NBPF15: variants seen among roughly 807,000 people sequenced by gnomAD.
The protein encoded by NBPF15 is NBPF family member NBPF15.
A neutral mutation model predicts 62.2 loss-of-function variants in NBPF15; 74 were observed. The observed-to-expected ratio is 1.19, with a 90% CI of 0.99 to 1.44. NBPF15 has a LOEUF of 1.44. NBPF15 is among the 40% of genes most tolerant of loss of function. The probability of loss-of-function intolerance (pLI) is 0.00; values close to 1 mark genes in which losing one functional copy is unlikely to be tolerated. For synonymous variants in NBPF15, 244 were observed against 209.7 expected (o/e 1.16, Z -1.41); for missense variants, 790 against 550.0 (o/e 1.44, Z -4.36).
At chr1:144,450,706 C>A (rs1690530507) in intron 5 of NBPF15, 66 bp downstream of exon 5, 1 of 292,740 alleles carries the variant, frequency 3.4e-6, no homozygotes, top group African/African-American at 2.3e-5. Flanking sequence ...TGTATGCTAA[C>A]CCTCTAAGAG....
rs1666691926 is a variant in NBPF15, at chr1:144,422,920, G to C, written c.*93C>G. 1.2e-6 allele frequency: 2 copies of C among 1,610,606 alleles called. No individual in the cohort carries two copies. The highest frequency in any genetic ancestry group is 1.3e-5 in the African/African-American group (1 of 74,712). Reference sequence around the variant, plus strand: ...TGCTCACTGACCCATCCTATGTCTGGGCTTCCAAATGGAACTGTACTTTCA... The same window carrying C: ...TGCTCACTGACCCATCCTATGTCTGCGCTTCCAAATGGAACTGTACTTTCA... On this transcript the variant is annotated 3_prime_UTR_variant, in exon 22 of 22. Transcript: ENST00000581897.
intron 20 of NBPF15, among the ~76,000 whole-genome samples, 181 bp from the exon 21 acceptor site, chr1:144,424,156 C>A (rs1244284646): frequency 2.6e-5 from 4 of 152,014 alleles, no homozygotes; most frequent in Non-Finnish European, 5.9e-5. Context: ...GTTTTTCTCC[C>A]AGAAACTGTG....
chr1:144,446,309 G>A (rs1353305750), intron 6 of NBPF15, among the ~76,000 whole-genome samples: 2 of 147,416 alleles, frequency 1.4e-5, no homozygotes, highest in Non-Finnish European at 2.9e-5. Flanking sequence ...TAAACTCACT[G>A]ATTAGTTCTG....
At chr1:144,431,687 C>T (rs1674457014) in intron 13 of NBPF15, among the ~76,000 whole-genome samples, 1 of 117,958 alleles carries the variant, frequency 8.5e-6, no homozygotes, top group Non-Finnish European at 1.7e-5. Context: ...GTTCCCCTTT[C>T]TGTGTCCATG....
intron 4 of NBPF15, among the ~76,000 whole-genome samples, chr1:144,455,799 A>G (rs1288827822): frequency 4.0e-5 from 6 of 151,792 alleles, no homozygotes; most frequent in African/African-American, 1.2e-4. Flanking sequence ...GGTGGGTTCC[A>G]TGGGGTAGTG....
rs1681757607 is a variant in NBPF15 at position 144,440,216 on chromosome 1, A to C, written c.-111T>G. Reference sequence around the variant, plus strand: ...CAAAAACAAGGTTCGAGGTGCCTCAACTCAGAGCTGAAAGCACTGTCAGTA... The same window carrying C: ...CAAAAACAAGGTTCGAGGTGCCTCACCTCAGAGCTGAAAGCACTGTCAGTA... On this transcript the variant is annotated 5_prime_UTR_variant, in exon 7 of 22. Coordinates refer to ENST00000581897, the MANE Select transcript of NBPF15 (RefSeq NM_001385408.1). 6.6e-7 allele frequency: 1 copy of C among 1,521,816 alleles called. No individual in the cohort carries two copies. The highest frequency in any genetic ancestry group is 8.8e-7 in the Non-Finnish European group (1 of 1,131,526). The allele number at this position is 1,521,816 out of a possible 1,614,324, so 94.3% of individuals were successfully genotyped here.
At chr1:144,425,223 T>C (rs200276981) in intron 19 of NBPF15, among the ~76,000 whole-genome samples, 1 of 77,098 alleles carries the variant, frequency 1.3e-5, no homozygotes. Flanking sequence ...ACAGTGATCA[T>C]GAAAAGACTG....
chr1:144,427,691 C>G, intron 16 of NBPF15, 127 bp downstream of exon 16: 4 of 626,344 alleles, frequency 6.4e-6, no homozygotes, highest in Non-Finnish European at 8.5e-6. Flanking sequence ...ATTCAACCTA[C>G]ATGTGCCTAT....
At position 144,442,824 on chromosome 1, in the gene NBPF15, G is replaced by C. The variant is rs1447266659; in HGVS notation, c.-190-2529C>G. ...CTGTGGTCCTGGACTCACTGCTGCA[G>C]GATGGGGAATTGACCGTGGATCTTC... is the stretch of plus-strand genomic sequence containing the variant. On this transcript the variant is annotated intron_variant, in intron 6 of 21. Coordinates refer to ENST00000581897, the MANE Select transcript of NBPF15 (RefSeq NM_001385408.1). 1.9e-5 allele frequency: 4 copies of C among 213,042 alleles called. No individual in the cohort carries two copies. In the East Asian group the frequency reaches 4.5e-4, roughly 24 times the overall value. 13.2% of individuals were successfully genotyped at this position (213,042 alleles called of 1,614,324 possible). A position where few individuals can be genotyped will look rare whatever the true frequency, so the allele number is the denominator to read the frequency against.
At chr1:144,434,611 G>A (rs1232669865) in intron 12 of NBPF15, among the ~76,000 whole-genome samples, 4 of 150,336 alleles carry the variant, frequency 2.7e-5, no homozygotes, top group South Asian at 2.1e-4. Context: ...AAATATATCA[G>A]CAAAGTAAAG....
At chr1:144,446,557 T>G (rs1255376558) in intron 6 of NBPF15, among the ~76,000 whole-genome samples, 1 of 152,198 alleles carries the variant, frequency 6.6e-6, no homozygotes, top group Non-Finnish European at 1.5e-5. Flanking sequence ...CTGTGGGTTC[T>G]TCAAATCTGC....
In NBPF15 at chr1:144,443,913, C is replaced by T. The variant is rs1240882498; in HGVS notation, c.-190-3618G>A. ...CTTGTACCCCTTTGCAGTTCATCAG[C>T]CTTTCAACCCTCAGCCCCAAGGAGC... On this transcript the variant is annotated intron_variant, in intron 6 of 21. Coordinates refer to ENST00000581897, the MANE Select transcript of NBPF15 (RefSeq NM_001385408.1). Among the ~76,000 whole-genome samples, 69 of 150,798 alleles carry T rather than the reference C, an allele frequency of 4.6e-4. 2 individuals carry two copies. The East Asian group carries it at 9.6e-3, about 21-fold the overall frequency.
chr1:144,439,937 T>C lies in NBPF15; in HGVS notation c.67A>G (p.Lys23Glu). The change falls in exon 8 of 22, where the codon AAA becomes GAA. Residue 23 changes from lysine (K) to glutamate (E), a missense_variant. By Grantham distance (56) the Lys-to-Glu change is moderately conservative. Coordinates refer to ENST00000581897, the MANE Select transcript of NBPF15 (RefSeq NM_001385408.1). Reference protein sequence around the residue: ...AEMNILEINEKLRPQLAEKKQ... With the variant: ...AEMNILEINEELRPQLAEKKQ... ...TTCTCTGCCAACTGGGGGCGCAATTTCTCATTGATTTCTAGAATGTTCATC... is the reference window on the plus strand; with the variant it reads ...TTCTCTGCCAACTGGGGGCGCAATTCCTCATTGATTTCTAGAATGTTCATC... The C allele has an allele frequency of 1.2e-6, 2 of 1,611,252 alleles. No homozygotes were observed. Among genetic ancestry groups the C allele is most frequent in the South Asian group, 1.1e-5 (1 of 90,962 alleles).
chr1:144,441,151 T>A (rs1309814708), intron 6 of NBPF15, among the ~76,000 whole-genome samples: 3 of 151,946 alleles, frequency 2.0e-5, no homozygotes, highest in Non-Finnish European at 2.9e-5. Context: ...TAACTATGAA[T>A]ATTCTCATAC....
chr1:144,440,272 G>A lies in NBPF15; in HGVS notation c.-167C>T. The A allele has an allele frequency of 6.7e-7, 1 of 1,497,506 alleles. No homozygotes were observed. Among genetic ancestry groups the A allele is most frequent in the South Asian group, 1.2e-5 (1 of 81,238 alleles). The allele number at this position is 1,497,506 out of a possible 1,614,324, so 92.8% of individuals were successfully genotyped here. ...GACTCTGATAAGAGTGAGGTAGATT[G>A]TGGCCAGCGTGCCAGGTAACCGTCT... On this transcript the variant is annotated 5_prime_UTR_variant, in exon 7 of 22. The change creates a premature stop within an existing upstream ORF in the 5' untranslated region. Coordinates refer to ENST00000581897, the MANE Select transcript of NBPF15 (RefSeq NM_001385408.1).
chr1:144,461,335 C>G (rs1430130571), intron 1 of NBPF15, 46 bp downstream of exon 1: 1 of 151,398 alleles, frequency 6.6e-6, no homozygotes, highest in Non-Finnish European at 1.5e-5. Context: ...AAACTTGCGA[C>G]AGCCGCAGCT....
At chr1:144,456,286 A>T (rs1647702784) in intron 4 of NBPF15, among the ~76,000 whole-genome samples, 1 of 151,780 alleles carries the variant, frequency 6.6e-6, no homozygotes, top group Non-Finnish European at 1.5e-5. Context: ...TACTAAGGAA[A>T]AGTCCTGGAG....
At chr1:144,445,332 AATATATATATATATAT>A (rs1246556657) in intron 6 of NBPF15, among the ~76,000 whole-genome samples, 1 of 92,542 alleles carries the variant, frequency 1.1e-5, no homozygotes, top group African/African-American at 4.0e-5. Flanking sequence ...CAAAACGGTG[AATATATATATATATAT>A]ATATATACAC....
chr1:144,434,529 T>A (rs1553540672), intron 12 of NBPF15, among the ~76,000 whole-genome samples: 1 of 133,854 alleles, frequency 7.5e-6, no homozygotes, highest in African/African-American at 2.9e-5. Flanking sequence ...AAATCCACGA[T>A]GCTACAAAGA....
Sources: gnomAD v4.1 joint callset for allele counts (sites outside exome capture counted in the v4.1 genomes callset) on GRCh38, gnomAD v4.1.1 for gene constraint, MANE v1.5 for transcripts, NCBI Gene and HGNC (gene_info 2026-07-23, HGNC 2026-07-21) for gene names.